CFAP44: variants seen among roughly 807,000 people sequenced by gnomAD.
CFAP44 encodes cilia and flagella associated protein 44.
CFAP44 carries 134 observed loss-of-function variants against 216.2 expected under a neutral mutation model. The ratio of observed to expected loss-of-function variants is 0.62; its 90% CI spans 0.54 to 0.72. The LOEUF is 0.72. Among genes scored for constraint, CFAP44 ranks in the 30% least tolerant of loss-of-function variants. The pLI is 0.00. For missense variants in CFAP44, 2,035 were observed against 2,182.1 expected (o/e 0.93, Z 1.34); for synonymous variants, 700 against 727.6 (o/e 0.96, Z 0.61).
chr3:113,420,930 GTGTATA>G (rs1433960809), intron 4 of CFAP44, among the ~76,000 whole-genome samples: 2 of 152,088 alleles, frequency 1.3e-5, no homozygotes, highest in Non-Finnish European at 2.9e-5. Context: ...ACTAGTGTGT[GTGTATA>G]TGTATGTGTT....
At chr3:113,321,130 C>T (rs1950142787) in intron 28 of CFAP44, among the ~76,000 whole-genome samples, 4 of 152,266 alleles carry the variant, frequency 2.6e-5, no homozygotes, top group Admixed American at 2.6e-4. Flanking sequence ...TCAAAACATA[C>T]TAGCAAACCA....
In CFAP44 at chr3:113,376,586, A is replaced by ATCT. The variant is rs1933351275; in HGVS notation, c.2298+2719_2298+2720insAGA. Among the ~76,000 whole-genome samples, 5 of 152,310 alleles carry ATCT rather than the reference A, an allele frequency of 3.3e-5. 1 individual carries two copies. Among genetic ancestry groups the ATCT allele is most frequent in the African/African-American group, 1.2e-4 (5 of 41,574 alleles). ...AGAAGCCAAGAGAAGAAAGCATTTG[A>ATCT]GAAGTATGAGGGGTCAACTCTGTTA... On this transcript the variant is annotated intron_variant, in intron 17 of 34. Transcript: ENST00000393845.
intron 32 of CFAP44, among the ~76,000 whole-genome samples, chr3:113,302,772 CAAAAAAAAA>C (rs57355375): frequency 4.5e-5 from 2 of 44,516 alleles, no homozygotes; most frequent in African/African-American, 1.7e-4. Flanking sequence ...GACTCCATCT[CAAAAAAAAA>C]AAAAAAAAAA....
At chr3:113,300,126 A>T (rs1054438049) in intron 32 of CFAP44, among the ~76,000 whole-genome samples, 1 of 152,198 alleles carries the variant, frequency 6.6e-6, no homozygotes, top group African/African-American at 2.4e-5. Flanking sequence ...CAAACTTTGC[A>T]TGCTCTCCCT....
intron 28 of CFAP44, among the ~76,000 whole-genome samples, chr3:113,321,306 C>T (rs1950144288): frequency 6.6e-6 from 1 of 152,076 alleles, no homozygotes; most frequent in South Asian, 2.1e-4. Context: ...AAAAAGTTTT[C>T]AAGAAAATCA....
intron 28 of CFAP44, among the ~76,000 whole-genome samples, chr3:113,311,798 AG>A (rs1445583798): frequency 1.3e-5 from 2 of 152,264 alleles, no homozygotes; most frequent in Admixed American, 6.5e-5. Context: ...TTTGACCAAA[AG>A]TCTGATAGTG....
chr3:113,287,101 C>T lies in CFAP44; in HGVS notation c.*4456G>A, dbSNP rs759507167. 1.3e-5 allele frequency: 7 copies of T among 540,734 alleles called. No individual in the cohort carries two copies. The highest frequency in any genetic ancestry group is 7.6e-5 in the South Asian group (5 of 65,424). The allele number at this position is 540,734 out of a possible 1,614,324, so 33.5% of individuals were successfully genotyped here. On this transcript the variant is annotated 3_prime_UTR_variant, in exon 35 of 35. Coordinates refer to ENST00000393845, the MANE Select transcript of CFAP44 (RefSeq NM_001164496.2). ...ACCTAACAGGAGTCACCCAGGAAAG[C>T]ACCGCACAGGCTGGCGCGGGACAGA...
intron 8 of CFAP44, 189 bp from the exon 9 acceptor site, chr3:113,404,205 T>A (rs778514724): frequency 3.1e-6 from 2 of 645,728 alleles, no homozygotes; most frequent in Admixed American, 3.3e-5. Context: ...AACATTTTGA[T>A]GTATTTCCTT....
intron 15 of CFAP44, among the ~76,000 whole-genome samples, chr3:113,382,135 A>G (rs1388760781): frequency 6.6e-6 from 1 of 152,212 alleles, no homozygotes; most frequent in Non-Finnish European, 1.5e-5. Context: ...GGGCAAAAGA[A>G]CAGAATGAGA....
intron 22 of CFAP44, among the ~76,000 whole-genome samples, chr3:113,347,162 G>A (rs1483273838): frequency 6.6e-6 from 1 of 152,202 alleles, no homozygotes; most frequent in East Asian, 1.9e-4. Context: ...GTGGCCGCCG[G>A]ACTAAAGACA....
chr3:113,421,834 A>AAGGG (rs200624773), intron 4 of CFAP44, among the ~76,000 whole-genome samples: 55 of 142,298 alleles, frequency 3.9e-4, no homozygotes, highest in African/African-American at 1.3e-3. Context: ...AGGGATTCCA[A>AAGGG]AGGGAGGGAG....
At chr3:113,402,995 A>AGCCAGT (rs1353663230) in intron 9 of CFAP44, among the ~76,000 whole-genome samples, 1 of 152,212 alleles carries the variant, frequency 6.6e-6, no homozygotes, top group Non-Finnish European at 1.5e-5. Flanking sequence ...GGGCTCAAAA[A>AGCCAGT]GCCAGTGGTA....
chr3:113,427,359 T>C lies in CFAP44; in HGVS notation c.101-20A>G. The C allele has an allele frequency of 6.4e-7, 1 of 1,564,268 alleles. No individual in the cohort carries two copies. The highest frequency in any genetic ancestry group is 1.2e-5 in the South Asian group (1 of 83,862). On this transcript the variant is annotated intron_variant, in intron 2 of 34. Transcript: ENST00000393845. ...CAGGAGCTATTAAAATTTGTTTTAATAACTTCTAAATTTTGATTAAACATT... is the reference window on the plus strand; with the variant it reads ...CAGGAGCTATTAAAATTTGTTTTAACAACTTCTAAATTTTGATTAAACATT...
In CFAP44 at chr3:113,308,255, C is replaced by G; in HGVS notation, c.4530G>C (p.Glu1510Asp). The G allele has an allele frequency of 6.5e-7, 1 of 1,535,158 alleles. No individual in the cohort carries two copies. Among genetic ancestry groups the G allele is most frequent in the African/African-American group, 1.4e-5 (1 of 73,072 alleles). ...ATTCTTCTTCACTTGATTCCTCACT[C>G]TCCTCATCTTCATCTATGGAAAGAG... ...EVEGDADEDE[E>D]SEESSEEESS... is the part of the protein sequence containing the mutation. Residue 1510 changes from glutamate (E) to aspartate (D), a missense_variant, in exon 29 of 35, where the codon GAG becomes GAC. Glu to Asp is a conservative substitution (Grantham distance 45). Transcript: ENST00000393845.
At chr3:113,318,251 C>T (rs76657122) in intron 28 of CFAP44, among the ~76,000 whole-genome samples, 4,368 of 152,070 alleles carry the variant, frequency 0.029, 109 homozygotes, top group East Asian at 0.099. Flanking sequence ...AAAAGAAAAC[C>T]GAACTCCTAG....
chr3:113,327,639 C>A lies in CFAP44; in HGVS notation c.4297G>T (p.Asp1433Tyr), dbSNP rs1165081560. ...ACTTGCATGTACTGTTCCTCTTTGT[C>A]TAAGGAATTAACACGTTCTTGAAGT... ...NILQERVNSL[D>Y]KEEQYMQWKI... The change falls in exon 27 of 35, where the codon GAC (aspartate) becomes TAC (tyrosine). Residue 1433 changes from aspartate to tyrosine, a missense_variant. Physicochemically the swap from Asp to Tyr is radical, Grantham distance 160. Around this residue, in one of 3 missense-constraint regions of CFAP44, gnomAD observed 1,883 missense variants for 2,023.7 expected, o/e 0.93. Transcript: ENST00000393845. 6.5e-7 allele frequency: 1 copy of A among 1,536,880 alleles called. No individual in the cohort carries two copies. Among genetic ancestry groups the A allele is most frequent in the East Asian group, 2.4e-5 (1 of 40,890 alleles).
At chr3:113,403,139 G>T (rs1934186827) in intron 9 of CFAP44, among the ~76,000 whole-genome samples, 1 of 152,154 alleles carries the variant, frequency 6.6e-6, no homozygotes, top group Non-Finnish European at 1.5e-5. Flanking sequence ...CTTAAAGAAT[G>T]TCAATAGAAC....
At chr3:113,385,965 G>T (rs931776264) in intron 15 of CFAP44, among the ~76,000 whole-genome samples, 2 of 151,328 alleles carry the variant, frequency 1.3e-5, no homozygotes, top group African/African-American at 4.9e-5. Flanking sequence ...ATTGATTTTC[G>T]ATCTATATGT....
At chr3:113,401,341 T>C in intron 10 of CFAP44, 54 bp from the exon 11 acceptor site, 12 of 1,486,148 alleles carry the variant, frequency 8.1e-6, no homozygotes, top group Non-Finnish European at 1.0e-5. Flanking sequence ...CATCAGATTT[T>C]TTAAATGTTC....
Sources: allele counts gnomAD v4.1 joint callset (sites outside exome capture counted in the v4.1 genomes callset), GRCh38; gene constraint gnomAD v4.1.1; regional missense constraint gnomAD v4.1.1; transcripts MANE v1.5; gene names NCBI Gene and HGNC (gene_info 2026-07-23, HGNC 2026-07-21).